KRR1: variants seen among roughly 807,000 people sequenced by gnomAD.
KRR1 encodes KRR1 small subunit processome component, also known as KRR1 small subunit processome component homolog.
KRR1 carries 23 observed loss-of-function variants against 50.0 expected under a neutral mutation model. The ratio of observed to expected loss-of-function variants is 0.46; its 90% CI spans 0.33 to 0.65. The LOEUF (loss-of-function observed/expected upper bound fraction) is 0.65. Ranked by LOEUF, KRR1 falls within the 30% of genes least tolerant of loss-of-function variation. The probability of loss-of-function intolerance (pLI) is 0.02; values close to 1 mark genes in which losing one functional copy is unlikely to be tolerated. For synonymous variants in KRR1, 133 were observed against 146.3 expected, an observed-to-expected ratio of 0.91 and a Z score of 0.66; for missense variants, 419 against 442.4, an observed-to-expected ratio of 0.95 and a Z score of 0.47.
At position 75,505,304 on chromosome 12, in the gene KRR1, A is replaced by G. The variant is rs763736822; in HGVS notation, c.604-50T>C. 4.6e-6 allele frequency: 7 copies of G among 1,535,280 alleles called. No individual in the cohort carries two copies. The East Asian group carries it at 6.9e-5, about 15-fold the overall frequency. ...TTAGTCACAAGGATTTTAATGAGCT[A>G]TGGAGAAGAGGATTAATACTGCAAA... is the stretch of plus-strand genomic sequence containing the variant. On this transcript the variant is annotated intron_variant, in intron 5 of 9. Coordinates refer to ENST00000229214, the MANE Select transcript of KRR1 (RefSeq NM_007043.7).
rs1274522589 is a variant in KRR1, at chr12:75,499,107, C to G, written c.*702G>C. On this transcript the variant is annotated 3_prime_UTR_variant, in exon 10 of 10. Coordinates refer to ENST00000229214, the MANE Select transcript of KRR1 (RefSeq NM_007043.7). Reference sequence around the variant, plus strand: ...AAAAAATATATGTTATAGCAATACTCTTACTCAAAAGAAGAAATTTCCTAA... The same window carrying G: ...AAAAAATATATGTTATAGCAATACTGTTACTCAAAAGAAGAAATTTCCTAA... 5.8e-6 allele frequency: 3 copies of G among 517,124 alleles called. No homozygotes were observed. The highest frequency in any genetic ancestry group is 9.8e-6 in the Non-Finnish European group (3 of 307,078). 32.0% of individuals were successfully genotyped at this position (517,124 alleles called of 1,614,324 possible).
intron 9 of KRR1, chr12:75,500,488 A>ATATTAAT: frequency 9.6e-6 from 1 of 104,548 alleles, no homozygotes; most frequent in East Asian, 4.0e-4. Flanking sequence ...TGAATATTCA[A>ATATTAAT]TGAATTAATT....
In KRR1 at chr12:75,504,042, A is replaced by C. The variant is rs372563816; in HGVS notation, c.693T>G (p.Asp231Glu). The change falls in exon 7 of 10, where the codon GAT becomes GAG. Residue 231 changes from aspartate to glutamate, a missense_variant. Coordinates refer to ENST00000229214, the MANE Select transcript of KRR1 (RefSeq NM_007043.7). The part of the protein sequence containing the change: ...SLMIKRELAK[D>E]SELRSQSWER... Reference sequence around the variant, plus strand: ...CCCAACTTTGTGATCGTAATTCAGAATCTTTTGCCAACTCTCTCTTAATCA... The same window carrying C: ...CCCAACTTTGTGATCGTAATTCAGACTCTTTTGCCAACTCTCTCTTAATCA... The C allele has an allele frequency of 1.2e-6, 2 of 1,611,726 alleles. No individual in the cohort carries two copies. Among genetic ancestry groups the C allele is most frequent in the African/African-American group, 2.7e-5 (2 of 74,806 alleles).
In KRR1 at chr12:75,501,968, A is replaced by G. The variant is rs2046397627; in HGVS notation, c.864T>C (p.Phe288=). 1 of 1,612,404 alleles carries G rather than the reference A, an allele frequency of 6.2e-7. No homozygotes were observed. Among genetic ancestry groups the G allele is most frequent in the East Asian group, 2.2e-5 (1 of 44,838 alleles). The change falls in exon 8 of 10, where the codon TTT becomes TTC. Residue 288 remains phenylalanine, a synonymous_variant. Transcript: ENST00000229214. Reference sequence around the variant, plus strand: ...GCCGCTTCTTCTGATTTGCCTTCAAAAAGTATTCACCACTAGCCAATTCTT... The same window carrying G: ...GCCGCTTCTTCTGATTTGCCTTCAAGAAGTATTCACCACTAGCCAATTCTT... The part of the protein sequence containing the change: ...IDKELASGEY[F]LKANQKKRQK...
intron 6 of KRR1, 52 bp from the exon 7 acceptor site, chr12:75,504,126 G>T: frequency 7.6e-7 from 1 of 1,313,060 alleles, no homozygotes; most frequent in Non-Finnish European, 1.1e-6. Context: ...TCACACATTT[G>T]TCAGACTCAG....
chr12:75,500,117 C>A, intron 9 of KRR1, 166 bp from the exon 10 acceptor site: 4 of 481,934 alleles, frequency 8.3e-6, no homozygotes, highest in South Asian at 4.2e-5. Context: ...AAACACTTGC[C>A]TAAAGCAGTT....
intron 7 of KRR1, chr12:75,503,454 A>G (rs118142444): frequency 0.013 from 1,934 of 152,586 alleles, 19 homozygotes; most frequent in Non-Finnish European, 0.02. Context: ...AACAAAATGG[A>G]AACTGGTCAT....
chr12:75,506,414 C>A lies in KRR1; in HGVS notation c.520-15G>T, dbSNP rs1200539874. 3.7e-6 allele frequency: 6 copies of A among 1,604,988 alleles called. No individual in the cohort carries two copies. In the South Asian group the frequency reaches 5.6e-5, roughly 15 times the overall value. ...AGTTCCAATGCCTGTATCAAGAGAT[C>A]AAGTTAAAATTCATTACTCTGAAAA... is the stretch of plus-strand genomic sequence containing the variant. On this transcript the variant is annotated splice_polypyrimidine_tract_variant and intron_variant, in intron 4 of 9. Transcript: ENST00000229214.
Position 75,494,910 on chromosome 12 carries a change from G to A in KRR1, c.*4899C>T, listed in dbSNP as rs1351027467. 1 of 152,182 alleles carries A rather than the reference G, an allele frequency of 6.6e-6. No individual in the cohort carries two copies. The highest frequency in any genetic ancestry group is 2.4e-5 in the African/African-American group (1 of 41,442). The allele number at this position is 152,182 out of a possible 1,614,324, so 9.4% of individuals were successfully genotyped here. On this transcript the variant is annotated 3_prime_UTR_variant, in exon 10 of 10. Coordinates refer to ENST00000229214, the MANE Select transcript of KRR1 (RefSeq NM_007043.7). Reference sequence around the variant, plus strand: ...AATAGACAACAGTAACTTCCTCATAGGGTTTTTGTGAAGATTATTTCATTC... The same window carrying A: ...AATAGACAACAGTAACTTCCTCATAAGGTTTTTGTGAAGATTATTTCATTC...
At chr12:75,502,471 T>A (rs2120604030) in intron 7 of KRR1, 1 of 153,940 alleles carries the variant, frequency 6.5e-6, no homozygotes, top group Non-Finnish European at 1.4e-5. Context: ...TATCAGGAAT[T>A]GGTGACTAAT....
Position 75,499,732 on chromosome 12 carries a change from A to AAAT in KRR1, c.*74_*76dup. ...AAAAAGCCCTCAGAAAATTTCTCAC[A>AAAT]AATAAGGCAACTAATGCCTGATATC... On this transcript the variant is annotated 3_prime_UTR_variant, in exon 10 of 10. Transcript: ENST00000229214. The AAAT allele has an allele frequency of 8.4e-7, 1 of 1,192,486 alleles. No individual in the cohort carries two copies. The highest frequency in any genetic ancestry group is 1.1e-6 in the Non-Finnish European group (1 of 871,118). 73.9% of individuals were successfully genotyped at this position (1,192,486 alleles called of 1,614,324 possible).
At chr12:75,510,997 A>AG (rs1252426311) in intron 1 of KRR1, among the ~76,000 whole-genome samples, 1 of 152,210 alleles carries the variant, frequency 6.6e-6, no homozygotes, top group African/African-American at 2.4e-5. Context: ...CTAAACAGTA[A>AG]GGGCTGTGTC....
At chr12:75,502,198 C>T (rs2046399119) in intron 7 of KRR1, 198 bp from the exon 8 acceptor site, 3 of 538,150 alleles carry the variant, frequency 5.6e-6, no homozygotes, top group Non-Finnish European at 9.9e-6. Context: ...AAAGCACCTC[C>T]ATGGAATACA....
rs966919143 is a variant in KRR1 at position 75,498,451 on chromosome 12, T to C, written c.*1358A>G. 2.6e-5 allele frequency: 10 copies of C among 377,900 alleles called. No homozygotes were observed. Among genetic ancestry groups the C allele is most frequent in the Admixed American group, 4.3e-5 (1 of 23,050 alleles). 23.4% of individuals were successfully genotyped at this position (377,900 alleles called of 1,614,324 possible). A position where few individuals can be genotyped will look rare whatever the true frequency, so the allele number is the denominator to read the frequency against. On this transcript the variant is annotated 3_prime_UTR_variant, in exon 10 of 10. Coordinates refer to ENST00000229214, the MANE Select transcript of KRR1 (RefSeq NM_007043.7). ...TATGATGTGTAAAATGATTTTCCAT[T>C]TATAGTAATGGTATAGTTTCCTTTT...
rs1167770924 is a variant in KRR1 at position 75,493,854 on chromosome 12, G to A, written c.*5955C>T. ...TACTACCATTTCCACAGACCTCACCGACTGTCTTGGTTTTTAGCTTATTTT... is the reference window on the plus strand; with the variant it reads ...TACTACCATTTCCACAGACCTCACCAACTGTCTTGGTTTTTAGCTTATTTT... On this transcript the variant is annotated 3_prime_UTR_variant, in exon 10 of 10. Coordinates refer to ENST00000229214, the MANE Select transcript of KRR1 (RefSeq NM_007043.7). The A allele has an allele frequency of 2.0e-5, 3 of 152,176 alleles. No individual in the cohort carries two copies. The highest frequency in any genetic ancestry group is 2.1e-4 in the South Asian group (1 of 4,816). The allele number at this position is 152,176 out of a possible 1,614,324, so 9.4% of individuals were successfully genotyped here.
intron 9 of KRR1, 31 bp downstream of exon 9, chr12:75,501,692 A>G (rs1594066619): frequency 7.1e-7 from 1 of 1,401,836 alleles, no homozygotes; most frequent in African/African-American, 1.4e-5. Flanking sequence ...TTCCTAATTA[A>G]TAAAGACTTT....
rs1192329742 is a variant in KRR1, at chr12:75,506,924, A to G, written c.259-8T>C. On this transcript the variant is annotated splice_region_variant and splice_polypyrimidine_tract_variant and intron_variant, in intron 2 of 9. Transcript: ENST00000229214. ...CAGGGTTGCATTAACATGCTACAGA[A>G]GGAAAGAGCAAACAAGCAGTTGTCT... The G allele has an allele frequency of 1.3e-6, 2 of 1,574,766 alleles. No individual in the cohort carries two copies. Among genetic ancestry groups the G allele is most frequent in the Admixed American group, 2.0e-5 (1 of 48,898 alleles).
intron 2 of KRR1, 124 bp from the exon 3 acceptor site, chr12:75,507,040 A>AT: frequency 2.7e-6 from 2 of 730,350 alleles, no homozygotes; most frequent in Non-Finnish European, 2.1e-6. Context: ...TACTTCCCTG[A>AT]AGAAGCTAGG....
chr12:75,502,107 T>C (rs1285286427), intron 7 of KRR1, 107 bp from the exon 8 acceptor site: 8 of 843,424 alleles, frequency 9.5e-6, no homozygotes, highest in Non-Finnish European at 1.5e-5. Flanking sequence ...GTCAAACTGA[T>C]TTATTAATAA....
Sources: allele counts gnomAD v4.1 joint callset (sites outside exome capture counted in the v4.1 genomes callset), GRCh38; gene constraint gnomAD v4.1.1; transcripts MANE v1.5; gene names NCBI Gene and HGNC (gene_info 2026-07-23, HGNC 2026-07-21).